CHUK: variants seen among roughly 807,000 people sequenced by gnomAD.
CHUK encodes the protein inhibitor of nuclear factor kappa-B kinase subunit alpha.
In CHUK, 35 loss-of-function variants were observed where a neutral mutation model predicts 104.8. The ratio of observed to expected loss-of-function variants is 0.33; its 90% CI spans 0.26 to 0.44. CHUK has a LOEUF of 0.44. CHUK is among the 20% of genes least tolerant of loss of function. CHUK has a pLI of 1.00. For synonymous variants in CHUK, 276 were observed against 291.9 expected (o/e 0.95, Z 0.56); for missense variants, 663 against 902.7 (o/e 0.73, Z 3.40).
At chr10:100,225,352 T>C (rs1258098883) in intron 2 of CHUK, among the ~76,000 whole-genome samples, 1 of 152,232 alleles carries the variant, frequency 6.6e-6, no homozygotes, top group Non-Finnish European at 1.5e-5. Context: ...GACACAGTAT[T>C]TGTCTTTTTG....
chr10:100,222,257 T>C (rs1300230394), intron 3 of CHUK, 76 bp from the exon 4 acceptor site: 4 of 750,848 alleles, frequency 5.3e-6, no homozygotes, highest in Admixed American at 3.9e-5. Flanking sequence ...TTAATTACTA[T>C]ACTCTAAAAG....
At chr10:100,213,574 T>C (rs1845785124) in intron 9 of CHUK, among the ~76,000 whole-genome samples, 2 of 151,978 alleles carry the variant, frequency 1.3e-5, no homozygotes, top group South Asian at 4.2e-4. Flanking sequence ...CAGGCTGGAG[T>C]GCAGTGGTGC....
chr10:100,225,050 A>G (rs1030971795), intron 2 of CHUK, among the ~76,000 whole-genome samples: 2 of 151,910 alleles, frequency 1.3e-5, no homozygotes, highest in Admixed American at 6.6e-5. Flanking sequence ...GGGTTTTGCC[A>G]TGTTGCCCAG....
At chr10:100,222,817 T>C (rs1367275280) in intron 3 of CHUK, 49 bp downstream of exon 3, 2 of 895,200 alleles carry the variant, frequency 2.2e-6, no homozygotes, top group Non-Finnish European at 3.8e-6. Flanking sequence ...ATTCAAACAT[T>C]GCTAAAGTTT....
chr10:100,197,603 C>A (rs559463815), intron 16 of CHUK, among the ~76,000 whole-genome samples: 1 of 152,160 alleles, frequency 6.6e-6, no homozygotes, highest in African/African-American at 2.4e-5. Flanking sequence ...ACAAAAAAAC[C>A]TATATTTACG....
Position 100,229,572 on chromosome 10 carries a change from C to A in CHUK, c.-40G>T, listed in dbSNP as rs768085827. The A allele has an allele frequency of 1.5e-5, 20 of 1,334,824 alleles. No homozygotes were observed. The South Asian group carries it at 2.2e-4, about 15-fold the overall frequency. The allele number at this position is 1,334,824 out of a possible 1,614,324, so 82.7% of individuals were successfully genotyped here. A position where few individuals can be genotyped will look rare whatever the true frequency, so the allele number is the denominator to read the frequency against. On this transcript the variant is annotated 5_prime_UTR_variant, in exon 1 of 21. Transcript: ENST00000370397. ...AGCGGCCTCAGGTTCCACAGTTGTT[C>A]CAAGGCCGGTTCCGGGCCGCCGATG...
At chr10:100,210,482 C>G (rs988872636) in intron 9 of CHUK, among the ~76,000 whole-genome samples, 6 of 152,292 alleles carry the variant, frequency 3.9e-5, no homozygotes, top group Admixed American at 2.6e-4. Context: ...AGGCATAAAC[C>G]ACTTTCACAT....
intron 9 of CHUK, among the ~76,000 whole-genome samples, chr10:100,210,096 T>A (rs559197192): frequency 3.9e-5 from 5 of 127,870 alleles, no homozygotes; most frequent in Admixed American, 7.8e-5. Context: ...TATTTATTTT[T>A]TTTTTTTTTG....
chr10:100,225,871 C>T, intron 2 of CHUK, 52 bp downstream of exon 2: 1 of 1,005,580 alleles, frequency 9.9e-7, no homozygotes, highest in East Asian at 2.4e-5. Context: ...CCCATGATGA[C>T]ATCTGGTTGG....
Position 100,200,703 on chromosome 10 carries a change from A to G in CHUK, c.1647T>C (p.Tyr549=). 1.3e-6 allele frequency: 2 copies of G among 1,599,430 alleles called. No homozygotes were observed. The highest frequency in any genetic ancestry group is 1.7e-6 in the Non-Finnish European group (2 of 1,167,132). The change falls in exon 15 of 21, where the codon TAT becomes TAC. Residue 549 remains tyrosine (Y), a synonymous_variant. Transcript: ENST00000370397. ...AEIMELQKSP[Y]GRRQGDLMES... is the part of the protein sequence containing the mutation. ...CCATCAAGTCTCCCTGACGTCTTCCATAGGGGCTCTTCTGTAGCTCCATGA... is the reference window on the plus strand; with the variant it reads ...CCATCAAGTCTCCCTGACGTCTTCCGTAGGGGCTCTTCTGTAGCTCCATGA...
At position 100,205,327 on chromosome 10, in the gene CHUK, T is replaced by G. The variant is rs1411535264; in HGVS notation, c.1232-128A>C. The stretch of plus-strand genomic sequence containing the variant: ...GATTCCCATAGATGCTAGAAACTGA[T>G]GCTAAAAGAACCACTTGTTTCCATT... On this transcript the variant is annotated intron_variant, in intron 11 of 20. Transcript: ENST00000370397. 3.0e-6 allele frequency: 3 copies of G among 992,236 alleles called. No homozygotes were observed. The African/African-American group carries it at 4.8e-5, about 16-fold the overall frequency. The allele number at this position is 992,236 out of a possible 1,614,324, so 61.5% of individuals were successfully genotyped here. A position where few individuals can be genotyped will look rare whatever the true frequency, so the allele number is the denominator to read the frequency against.
At chr10:100,228,019 A>G (rs551122290) in intron 1 of CHUK, among the ~76,000 whole-genome samples, 24 of 152,338 alleles carry the variant, frequency 1.6e-4, no homozygotes, top group African/African-American at 5.5e-4. Context: ...CTTAAGGCCA[A>G]TTAATGAGGA....
chr10:100,197,759 G>A (rs1477848313), intron 16 of CHUK, among the ~76,000 whole-genome samples: 1 of 151,982 alleles, frequency 6.6e-6, no homozygotes, highest in Non-Finnish European at 1.5e-5. Flanking sequence ...CCTTTCACTG[G>A]TTACTGCTAC....
At position 100,200,775 on chromosome 10, in the gene CHUK, A is replaced by G; in HGVS notation, c.1575T>C (p.Gly525=). ...TCTGATCCTCCAGGTATCCAATGAC[A>G]CCAACCTAAAATATGATGAAAATAC... ...EEKAIHYAEV[G]VIGYLEDQIM... is the part of the protein sequence containing the mutation. Residue 525 remains glycine (G), a synonymous_variant, in exon 15 of 21, where the codon GGT becomes GGC. Coordinates refer to ENST00000370397, the MANE Select transcript of CHUK (RefSeq NM_001278.5). 1 of 1,555,644 alleles carries G rather than the reference A, an allele frequency of 6.4e-7. No individual in the cohort carries two copies.
Position 100,194,447 on chromosome 10 carries a change from T to G in CHUK, c.1804A>C (p.Lys602Gln). Residue 602 changes from lysine to glutamine, a missense_variant, in exon 17 of 21, where the codon AAG (lysine) becomes CAG (glutamine). This residue lies in a region of CHUK where 311 missense variants were observed against 393.4 expected (regional missense o/e 0.79). Transcript: ENST00000370397. The stretch of plus-strand genomic sequence containing the variant: ...TACCTCAAATGACCAAACAGCTCCT[T>G]GAGCACACGGTCCTGACTCTGCACA... ...HTVQSQDRVL[K>Q]ELFGHLSKLL... is the part of the protein sequence containing the mutation. 1 of 1,613,190 alleles carries G rather than the reference T, an allele frequency of 6.2e-7. No individual in the cohort carries two copies. The highest frequency in any genetic ancestry group is 2.2e-5 in the East Asian group (1 of 44,868).
chr10:100,218,927 CAATT>C (rs1365849718), intron 7 of CHUK, 77 bp downstream of exon 7: 11 of 1,551,094 alleles, frequency 7.1e-6, no homozygotes, highest in Non-Finnish European at 8.9e-6. Context: ...GGCAATTAAA[CAATT>C]AAAGAAAGAA....
rs537092826 is a variant in CHUK, at chr10:100,205,243, C to T, written c.1232-44G>A. 4.7e-5 allele frequency: 76 copies of T among 1,602,746 alleles called. 2 individuals carry two copies. The Middle Eastern group carries it at 6.6e-4, about 14-fold the overall frequency. On this transcript the variant is annotated intron_variant, in intron 11 of 20. Transcript: ENST00000370397. ...GAAAAAGGGCAAGGGAGGTTAGTTA[C>T]TTTTGAGGATTTTAGAGTTGATTTA...
Position 100,218,110 on chromosome 10 carries a change from T to G in CHUK, c.818A>C (p.Glu273Ala). 1 of 1,612,392 alleles carries G rather than the reference T, an allele frequency of 6.2e-7. No individual in the cohort carries two copies. The highest frequency in any genetic ancestry group is 8.5e-7 in the Non-Finnish European group (1 of 1,178,422). Residue 273 changes from glutamate to alanine, a missense_variant, in exon 9 of 21, where the codon GAA becomes GCA. Physicochemically the swap from Glu to Ala is moderately radical, Grantham distance 107. Around this residue, in one of 5 missense-constraint regions of CHUK, gnomAD observed 200 missense variants for 333.0 expected, o/e 0.60. Transcript: ENST00000370397. ...SLCSLVVEPM[E>A]NWLQLMLNWD... ...ATTCAACATCAACTGTAGCCAGTTT[T>G]CCATGGGTTCTACTACTAAACTAGA...
intron 17 of CHUK, 122 bp from the exon 18 acceptor site, chr10:100,194,253 G>T: frequency 8.4e-7 from 1 of 1,193,114 alleles, no homozygotes; most frequent in Non-Finnish European, 1.2e-6. Flanking sequence ...TATCTCCAAA[G>T]TAATGCATAC....
Sources: gnomAD v4.1 joint callset for allele counts (sites outside exome capture counted in the v4.1 genomes callset) on GRCh38, gnomAD v4.1.1 for gene constraint, gnomAD v4.1.1 regional missense constraint, MANE v1.5 for transcripts, NCBI Gene and HGNC (gene_info 2026-07-23, HGNC 2026-07-21) for gene names.